CFAP100: variants seen among roughly 807,000 people sequenced by gnomAD.
The protein encoded by CFAP100 is cilia- and flagella-associated protein 100.
In CFAP100, 70 loss-of-function variants were observed where a neutral mutation model predicts 81.5. That is an observed-to-expected ratio of 0.86 (90% CI 0.71 to 1.05). CFAP100 has a LOEUF of 1.05. Ranked by LOEUF, CFAP100 falls within the 50% of genes least tolerant of loss-of-function variation. The pLI, the probability that CFAP100 is intolerant of heterozygous loss-of-function variation, is 0.00. For synonymous variants in CFAP100, 341 were observed against 314.8 expected (o/e 1.08, Z -0.88); for missense variants, 811 against 776.5 (o/e 1.04, Z -0.53).
chr3:126,405,311 T>C (rs2083045959), intron 2 of CFAP100, among the ~76,000 whole-genome samples: 1 of 152,200 alleles, frequency 6.6e-6, no homozygotes, highest in East Asian at 1.9e-4. Context: ...GTGAGCTTTT[T>C]AGTGAAAAAC....
intron 2 of CFAP100, among the ~76,000 whole-genome samples, chr3:126,398,715 C>T (rs1420502718): frequency 5.9e-5 from 9 of 152,192 alleles, no homozygotes; most frequent in African/African-American, 7.2e-5. Context: ...TTGGGACATC[C>T]GAAGCCTGGC....
chr3:126,399,864 G>A (rs2082944671), intron 2 of CFAP100, among the ~76,000 whole-genome samples: 3 of 152,154 alleles, frequency 2.0e-5, no homozygotes, highest in Admixed American at 2.0e-4. Context: ...CAAGGAGAAG[G>A]TGGCCTGTGT....
intron 2 of CFAP100, among the ~76,000 whole-genome samples, chr3:126,397,800 G>A (rs2082911836): frequency 6.6e-6 from 1 of 152,236 alleles, no homozygotes; most frequent in South Asian, 2.1e-4. Context: ...ACAAAGGTAG[G>A]GGCCAAAATG....
rs2083242061 is a variant in CFAP100, at chr3:126,416,397, C to G, written c.307C>G (p.Arg103Gly). 3.1e-6 allele frequency: 5 copies of G among 1,611,882 alleles called. No individual in the cohort carries two copies. Among genetic ancestry groups the G allele is most frequent in the Non-Finnish European group, 4.2e-6 (5 of 1,179,406 alleles). The change falls in exon 5 of 17, where the codon CGG (arginine) becomes GGG (glycine). Residue 103 changes from arginine to glycine, a missense_variant. Physicochemically the swap from Arg to Gly is moderately radical, Grantham distance 125. Coordinates refer to ENST00000352312, the MANE Select transcript of CFAP100 (RefSeq NM_182628.3). ...SKVSAKHTSLRRQLQLEDKQE... is the reference protein window; with the variant it reads ...SKVSAKHTSLGRQLQLEDKQE... ...AGTGTCGGCTAAGCACACCAGCCTG[C>G]GGCGGCAGCTGCAGCTGGAGGACAA...
At chr3:126,403,383 CT>C (rs10707460) in intron 2 of CFAP100, among the ~76,000 whole-genome samples, 57,555 of 117,238 alleles carry the variant, frequency 0.49, 12,747 homozygotes, top group Non-Finnish European at 0.53. Flanking sequence ...TGTATTTTAT[CT>C]TTTTTTTTTT....
Position 126,432,077 on chromosome 3 carries a change from G to A in CFAP100, c.1287-992G>A, listed in dbSNP as rs192756571. ...AGGAGGATCACAAGGTCAGGAGATC[G>A]AGACCATCCTGGCTAACACAGTGAA... On this transcript the variant is annotated intron_variant, in intron 13 of 16. Coordinates refer to ENST00000352312, the MANE Select transcript of CFAP100 (RefSeq NM_182628.3). Among the ~76,000 whole-genome samples the A allele has an allele frequency of 1.8e-4, 27 of 152,080 alleles. No homozygotes were observed. In the East Asian group the frequency reaches 1.9e-3, roughly 11 times the overall value.
At chr3:126,414,037 G>A (rs4679240) in intron 3 of CFAP100, 48 bp from the exon 4 acceptor site, 98,800 of 1,396,028 alleles carry the variant, frequency 0.071, 4,381 homozygotes, top group Admixed American at 0.16. Flanking sequence ...AGAGACCACC[G>A]CCTGGAAGAG....
intron 2 of CFAP100, 104 bp downstream of exon 2, chr3:126,396,153 G>A (rs2082885032): frequency 1.1e-6 from 1 of 877,814 alleles, no homozygotes; most frequent in African/African-American, 1.6e-5. Context: ...ACACTAGGCA[G>A]GAGTCATAGA....
chr3:126,414,449 G>A, intron 4 of CFAP100: 2 of 617,312 alleles, frequency 3.2e-6, no homozygotes, highest in Non-Finnish European at 2.9e-6. Flanking sequence ...AACAGCCTCA[G>A]CCACCTCGCC....
At chr3:126,425,615 A>G (rs190962087) in intron 13 of CFAP100, among the ~76,000 whole-genome samples, 5 of 152,370 alleles carry the variant, frequency 3.3e-5, no homozygotes, top group Admixed American at 2.6e-4. Context: ...AGGCATTACA[A>G]GAAAGGAAAA....
intron 2 of CFAP100, 25 bp downstream of exon 2, chr3:126,396,074 C>G: frequency 2.5e-6 from 4 of 1,602,984 alleles, no homozygotes; most frequent in Non-Finnish European, 3.4e-6. Context: ...AGGGTGGGCA[C>G]TCTCAGAGGT....
At chr3:126,417,049 C>T (rs56214043) in intron 5 of CFAP100, among the ~76,000 whole-genome samples, 13,026 of 152,164 alleles carry the variant, frequency 0.086, 695 homozygotes, top group African/African-American at 0.14. Context: ...TTGCGTGATT[C>T]GGAAGGTGGG....
chr3:126,403,319 G>A (rs551234116), intron 2 of CFAP100, among the ~76,000 whole-genome samples: 2 of 151,906 alleles, frequency 1.3e-5, no homozygotes, highest in Admixed American at 6.6e-5. Context: ...AAAAGACTCC[G>A]ATGGATAGAG....
intron 13 of CFAP100, among the ~76,000 whole-genome samples, chr3:126,425,819 A>T (rs899552402): frequency 6.6e-6 from 1 of 152,240 alleles, no homozygotes; most frequent in Non-Finnish European, 1.5e-5. Flanking sequence ...GTCACATGAT[A>T]TGATCATAAG....
intron 2 of CFAP100, among the ~76,000 whole-genome samples, chr3:126,398,853 G>A (rs1560059301): frequency 6.6e-6 from 1 of 152,202 alleles, no homozygotes; most frequent in South Asian, 2.1e-4. Flanking sequence ...GCTGGGCTGG[G>A]GCACAGAGGG....
intron 13 of CFAP100, among the ~76,000 whole-genome samples, chr3:126,428,223 T>C (rs1933035476): frequency 6.6e-6 from 1 of 152,220 alleles, no homozygotes; most frequent in Non-Finnish European, 1.5e-5. Flanking sequence ...TGGAAGAACC[T>C]TAAATGCATA....
intron 12 of CFAP100, 36 bp downstream of exon 12, chr3:126,423,412 C>A: frequency 1.2e-6 from 2 of 1,608,658 alleles, no homozygotes; most frequent in South Asian, 2.2e-5. Context: ...ATTCGGAAGT[C>A]GCCCCTCTCT....
rs867399654 is a variant in CFAP100, at chr3:126,419,748, T to TC, written c.844dup (p.Leu282ProfsTer17). Reference sequence around the variant, plus strand: ...AAGAACAGGAAAAGAAACACTCGTTTCTCAAAAAGGCCAAGGAGGTCTCCG... The same window carrying TC: ...AAGAACAGGAAAAGAAACACTCGTTTCCTCAAAAAGGCCAAGGAGGTCTCCG... On this transcript the variant is annotated frameshift_variant, in exon 9 of 17. Transcript: ENST00000352312. LOFTEE classifies it high-confidence loss of function. The TC allele has an allele frequency of 1.2e-6, 2 of 1,613,936 alleles. No individual in the cohort carries two copies. The highest frequency in any genetic ancestry group is 1.7e-6 in the Non-Finnish European group (2 of 1,180,038).
At chr3:126,416,210 C>A in intron 4 of CFAP100, 106 bp from the exon 5 acceptor site, 2 of 679,994 alleles carry the variant, frequency 2.9e-6, no homozygotes, top group South Asian at 2.2e-5. Flanking sequence ...CAGGTCCCCG[C>A]GTCCTCGCGC....
Sources: allele counts gnomAD v4.1 joint callset (sites outside exome capture counted in the v4.1 genomes callset), GRCh38; gene constraint gnomAD v4.1.1; transcripts MANE v1.5; gene names NCBI Gene and HGNC (gene_info 2026-07-23, HGNC 2026-07-21).